Variants in IFNGR1 observed in about 807,000 individuals in gnomAD.
IFNGR1 encodes AVP, type 2.
In IFNGR1, 23 loss-of-function variants were observed where a neutral mutation model predicts 35.4. That is an observed-to-expected ratio of 0.65 (90% CI 0.47 to 0.92). The LOEUF is 0.92. Ranked by LOEUF, IFNGR1 falls within the 40% of genes least tolerant of loss-of-function variation. The probability of loss-of-function intolerance (pLI) is 0.00; values close to 1 mark genes in which losing one functional copy is unlikely to be tolerated. For missense variants in IFNGR1, 533 were observed against 583.4 expected (o/e 0.91, Z 0.89); for synonymous variants, 199 against 209.5 (o/e 0.95, Z 0.43).
At chr6:137,199,725 T>A (rs950111850) in intron 6 of IFNGR1, among the ~76,000 whole-genome samples, 2 of 147,956 alleles carry the variant, frequency 1.4e-5, no homozygotes, top group African/African-American at 5.0e-5. Context: ...AGTGGGCACA[T>A]CTACTTAAGT....
rs1024844776 is a variant in IFNGR1 at position 137,212,943 on chromosome 6, C to T, written c.86-5866G>A. 4.6e-5 allele frequency among the ~76,000 whole-genome samples: 7 copies of T among 152,168 alleles called. No individual in the cohort carries two copies. In the East Asian group the frequency reaches 9.6e-4, roughly 21 times the overall value. On this transcript the variant is annotated intron_variant, in intron 1 of 6. Coordinates refer to ENST00000367739, the MANE Select transcript of IFNGR1 (RefSeq NM_000416.3). The stretch of plus-strand genomic sequence containing the variant: ...GTTAAAAGAAAAACTTATAAATTTA[C>T]ACCAAAAGATGTAATCTGTGGTTTT...
intron 1 of IFNGR1, chr6:137,218,863 G>A (rs896646981): frequency 2.7e-6 from 1 of 365,610 alleles, no homozygotes; most frequent in South Asian, 2.2e-5. Context: ...GAGTATCTGC[G>A]TATCTAACCA....
At chr6:137,215,343 G>T in intron 1 of IFNGR1, 2 of 1,543,540 alleles carry the variant, frequency 1.3e-6, no homozygotes, top group African/African-American at 2.8e-5. Context: ...AATGTTTCCT[G>T]ATTTTATTAC....
At chr6:137,210,453 C>T (rs1254549177) in intron 1 of IFNGR1, among the ~76,000 whole-genome samples, 1 of 152,080 alleles carries the variant, frequency 6.6e-6, no homozygotes, top group Non-Finnish European at 1.5e-5. Context: ...CGATGTGACC[C>T]CAAATTTATG....
chr6:137,208,499 C>T (rs1779500015), intron 1 of IFNGR1, among the ~76,000 whole-genome samples: 1 of 152,204 alleles, frequency 6.6e-6, no homozygotes, highest in Non-Finnish European at 1.5e-5. Context: ...CTGTGTGCAG[C>T]CTAGGGACTT....
intron 6 of IFNGR1, among the ~76,000 whole-genome samples, chr6:137,198,918 G>C (rs1330591501): frequency 6.6e-6 from 1 of 152,148 alleles, no homozygotes; most frequent in African/African-American, 2.4e-5. Flanking sequence ...TGGACTGAAG[G>C]ATACAAAGTA....
chr6:137,199,813 T>C (rs1053281363), intron 6 of IFNGR1, among the ~76,000 whole-genome samples: 2 of 151,406 alleles, frequency 1.3e-5, no homozygotes, highest in South Asian at 2.1e-4. Flanking sequence ...AATAATTTAA[T>C]AGATGGGGAA....
chr6:137,208,398 T>C (rs1292868159), intron 1 of IFNGR1, among the ~76,000 whole-genome samples: 1 of 152,194 alleles, frequency 6.6e-6, no homozygotes, highest in Admixed American at 6.5e-5. Flanking sequence ...CTCCAGGCCA[T>C]GTCAGAGACA....
In IFNGR1 at chr6:137,206,974, T is replaced by C. The variant is rs1779446891; in HGVS notation, c.189A>G (p.Val63=). 6 of 1,610,278 alleles carry C rather than the reference T, an allele frequency of 3.7e-6. No individual in the cohort carries two copies. Among genetic ancestry groups the C allele is most frequent in the Non-Finnish European group, 4.2e-6 (5 of 1,176,532 alleles). ...AGAGTGACACTCACCCATAGTTCTT[T>C]ACCTCTACGGTAAAAACAGGGACCT... ...MPQVPVFTVE[V]KNYGVKNSEW... The change falls in exon 2 of 7, where the codon GTA becomes GTG. Residue 63 remains valine (V), a synonymous_variant. Transcript: ENST00000367739.
rs768132601 is a variant in IFNGR1, at chr6:137,204,361, T to C, written c.517A>G (p.Asn173Asp). ...PETTCYIRVY[N>D]VYVRMNGSEI... is the part of the protein sequence containing the mutation. The stretch of plus-strand genomic sequence containing the variant: ...CTTCCGTTCATTCTCACATACACAT[T>C]GTACACCCTAATGTAACAGGTAGTT... Residue 173 changes from asparagine (N) to aspartate (D), a missense_variant, in exon 4 of 7, where the codon AAT becomes GAT. Physicochemically the swap from Asn to Asp is conservative, Grantham distance 23. Transcript: ENST00000367739. 6.2e-7 allele frequency: 1 copy of C among 1,613,954 alleles called. No individual in the cohort carries two copies. The highest frequency in any genetic ancestry group is 8.5e-7 in the Non-Finnish European group (1 of 1,179,864).
chr6:137,217,590 G>A (rs998836417), intron 1 of IFNGR1, among the ~76,000 whole-genome samples: 1 of 152,184 alleles, frequency 6.6e-6, no homozygotes, highest in Non-Finnish European at 1.5e-5. Flanking sequence ...GCCAAGTGTG[G>A]AAAGCTGTCA....
chr6:137,216,416 T>C (rs1779697689), intron 1 of IFNGR1, among the ~76,000 whole-genome samples: 1 of 152,218 alleles, frequency 6.6e-6, no homozygotes, highest in Non-Finnish European at 1.5e-5. Context: ...GAAATACTAC[T>C]GATTAAGTGG....
At chr6:137,202,966 C>T (rs1779321709) in intron 5 of IFNGR1, among the ~76,000 whole-genome samples, 1 of 152,022 alleles carries the variant, frequency 6.6e-6, no homozygotes, top group Non-Finnish European at 1.5e-5. Context: ...CCACCCCCCA[C>T]ATTAAAAGAT....
At chr6:137,202,602 T>TGCAC (rs1779305242) in intron 5 of IFNGR1, among the ~76,000 whole-genome samples, 2 of 142,084 alleles carry the variant, frequency 1.4e-5, no homozygotes, top group South Asian at 4.4e-4. Context: ...AATATATGTA[T>TGCAC]ACACACACAC....
intron 1 of IFNGR1, among the ~76,000 whole-genome samples, chr6:137,208,093 C>T (rs192315409): frequency 1.6e-4 from 25 of 152,246 alleles, no homozygotes; most frequent in East Asian, 5.8e-4. Context: ...AAGAGACTGG[C>T]GGCATTTTGC....
intron 2 of IFNGR1, 110 bp from the exon 3 acceptor site, chr6:137,206,418 C>T: frequency 1.3e-6 from 1 of 795,430 alleles, no homozygotes; most frequent in Admixed American, 2.4e-5. Context: ...GTAGAAAGAG[C>T]AGAGCTAAGA....
At chr6:137,200,820 A>G (rs1010247069) in intron 6 of IFNGR1, 61 bp downstream of exon 6, 1 of 1,314,596 alleles carries the variant, frequency 7.6e-7, no homozygotes, top group Admixed American at 2.3e-5. Context: ...ATAATTTAAG[A>G]AACTATCAAA....
At chr6:137,204,259 A>G (rs985103887) in intron 4 of IFNGR1, 73 bp downstream of exon 4, 4 of 1,220,494 alleles carry the variant, frequency 3.3e-6, no homozygotes, top group African/African-American at 3.0e-5. Flanking sequence ...TCCTATTTTC[A>G]TTACACTACA....
intron 5 of IFNGR1, 136 bp from the exon 6 acceptor site, chr6:137,201,144 G>A (rs974666922): frequency 1.1e-6 from 1 of 901,972 alleles, no homozygotes; most frequent in Admixed American, 2.3e-5. Flanking sequence ...ACTGAAGGAA[G>A]CAGAAGTTAG....
Sources: allele counts gnomAD v4.1 joint callset (sites outside exome capture counted in the v4.1 genomes callset), GRCh38; gene constraint gnomAD v4.1.1; transcripts MANE v1.5; gene names NCBI Gene and HGNC (gene_info 2026-07-23, HGNC 2026-07-21).